PCDH15: variants seen among roughly 807,000 people sequenced by gnomAD.
The protein encoded by PCDH15 is protocadherin-15.
Under a neutral mutation model 178.5 loss-of-function variants are expected in PCDH15, and 129 were observed. That is an observed-to-expected ratio of 0.72 (90% CI 0.63 to 0.84). PCDH15 has a LOEUF of 0.84. Among genes scored for constraint, PCDH15 ranks in the 40% least tolerant of loss-of-function variants. The probability of loss-of-function intolerance (pLI) is 0.00; values close to 1 mark genes in which losing one functional copy is unlikely to be tolerated. For missense variants in PCDH15, 2,230 were observed against 2,099.9 expected (o/e 1.06, Z -1.21); for synonymous variants, 800 against 732.0 (o/e 1.09, Z -1.50).
chr10:55,444,232 A>G (rs1476831408), intron 2 of PCDH15, among the ~76,000 whole-genome samples: 2 of 151,752 alleles, frequency 1.3e-5, no homozygotes, highest in Non-Finnish European at 1.5e-5. Context: ...GTGTATACCT[A>G]TGTAACAAAC....
chr10:55,406,967 C>T (rs1838211343), intron 2 of PCDH15, among the ~76,000 whole-genome samples: 1 of 152,086 alleles, frequency 6.6e-6, no homozygotes, highest in Non-Finnish European at 1.5e-5. Flanking sequence ...GATAGTGATA[C>T]ACGATGCCAA....
At chr10:53,882,771 T>A (rs2133360879) in intron 26 of PCDH15, among the ~76,000 whole-genome samples, 1 of 152,352 alleles carries the variant, frequency 6.6e-6, no homozygotes, top group Admixed American at 6.5e-5. Context: ...TTTTTCCCTC[T>A]GTTTTTCTTT....
chr10:53,946,709 A>T (rs2086605281), intron 23 of PCDH15, among the ~76,000 whole-genome samples: 1 of 152,254 alleles, frequency 6.6e-6, no homozygotes, highest in Non-Finnish European at 1.5e-5. Flanking sequence ...CGAAAAAGTT[A>T]ACTGCTTTGG....
intron 2 of PCDH15, among the ~76,000 whole-genome samples, chr10:55,014,766 T>C (rs10825430): frequency 0.061 from 9,279 of 152,270 alleles, 390 homozygotes; most frequent in African/African-American, 0.11. Flanking sequence ...TACTTTACTA[T>C]ATTTAATAAC....
chr10:55,368,239 C>A (rs1378105735), intron 2 of PCDH15, among the ~76,000 whole-genome samples: 1 of 151,972 alleles, frequency 6.6e-6, no homozygotes, highest in Non-Finnish European at 1.5e-5. Flanking sequence ...TGGCAAGGAA[C>A]CAATTTTCAG....
At chr10:54,549,577 C>T (rs914325135) in intron 2 of PCDH15, among the ~76,000 whole-genome samples, 10 of 151,452 alleles carry the variant, frequency 6.6e-5, no homozygotes, top group African/African-American at 1.9e-4. Flanking sequence ...AGTATATGGC[C>T]CATTTTTAAA....
At chr10:54,536,180 A>G (rs1050712779) in intron 2 of PCDH15, among the ~76,000 whole-genome samples, 1 of 152,210 alleles carries the variant, frequency 6.6e-6, no homozygotes, top group Non-Finnish European at 1.5e-5. Context: ...AGTCACATTT[A>G]ACACCTTGCT....
At chr10:54,357,361 C>T (rs1945189276) in intron 5 of PCDH15, among the ~76,000 whole-genome samples, 1 of 152,168 alleles carries the variant, frequency 6.6e-6, no homozygotes, top group Non-Finnish European at 1.5e-5. Context: ...CATTCTTATA[C>T]ACCAATAACA....
chr10:54,825,142 C>T (rs202084228), intron 3 of PCDH15, among the ~76,000 whole-genome samples: 25,639 of 151,118 alleles, frequency 0.17, 2,587 homozygotes, highest in Non-Finnish European at 0.24. Context: ...TTTGTCCTTG[C>T]GATAGTTTGC....
intron 2 of PCDH15, among the ~76,000 whole-genome samples, chr10:55,476,924 T>A (rs1211919663): frequency 6.6e-6 from 1 of 151,924 alleles, no homozygotes; most frequent in Non-Finnish European, 1.5e-5. Flanking sequence ...AAGAAAAAAA[T>A]CCAGTTTTAT....
chr10:55,343,811 G>T (rs558460189), intron 2 of PCDH15, among the ~76,000 whole-genome samples: 3 of 152,000 alleles, frequency 2.0e-5, no homozygotes, highest in Non-Finnish European at 4.4e-5. Context: ...CACATATTAC[G>T]TGCCAGGCAT....
At chr10:54,663,253 G>C (rs547318529) in intron 2 of PCDH15, among the ~76,000 whole-genome samples, 1 of 151,684 alleles carries the variant, frequency 6.6e-6, no homozygotes, top group African/African-American at 2.4e-5. Flanking sequence ...CTTTGCTGCC[G>C]TTAAGAGCAA....
At chr10:55,291,261 C>T (rs182848978) in intron 1 of PCDH15, among the ~76,000 whole-genome samples, 21 of 152,254 alleles carry the variant, frequency 1.4e-4, no homozygotes, top group African/African-American at 5.1e-4. Flanking sequence ...CAAGACAACA[C>T]ATACTTAAAA....
intron 10 of PCDH15, among the ~76,000 whole-genome samples, chr10:54,200,191 A>G (rs1816398478): frequency 6.6e-6 from 1 of 151,646 alleles, no homozygotes; most frequent in African/African-American, 2.4e-5. Context: ...CAAATTATTT[A>G]TCATTTAAAT....
chr10:54,823,309 G>C (rs377742934), intron 3 of PCDH15, among the ~76,000 whole-genome samples: 16 of 152,162 alleles, frequency 1.1e-4, no homozygotes, highest in East Asian at 9.7e-4. Context: ...CTGCATGGCA[G>C]TAAACTGCTC....
At chr10:53,960,392 A>G (rs953519773) in intron 22 of PCDH15, among the ~76,000 whole-genome samples, 16 of 152,196 alleles carry the variant, frequency 1.1e-4, no homozygotes, top group Non-Finnish European at 2.1e-4. Flanking sequence ...TCTTTGGTAT[A>G]CTATCTCTTA....
chr10:55,519,111 A>C (rs913608419), intron 2 of PCDH15, among the ~76,000 whole-genome samples: 17 of 150,798 alleles, frequency 1.1e-4, no homozygotes, highest in South Asian at 6.3e-4. Flanking sequence ...AAAAAAAAAA[A>C]AAAAAACAAA....
At position 55,326,284 on chromosome 10, in the gene PCDH15, A is replaced by G. The variant is rs185924353; in HGVS notation, c.-155-159633T>C. Reference sequence around the variant, plus strand: ...TTCTGTCAAAAAGACACAGGCACACATATGTTCACTGCAGCCTTATTTACA... The same window carrying G: ...TTCTGTCAAAAAGACACAGGCACACGTATGTTCACTGCAGCCTTATTTACA... On this transcript the variant is annotated intron_variant, in intron 2 of 5. Transcript: ENST00000613346. 8.2e-4 allele frequency among the ~76,000 whole-genome samples: 125 copies of G among 152,282 alleles called. 1 individual carries two copies. The highest frequency in any genetic ancestry group is 1.5e-3 in the Non-Finnish European group (100 of 68,008).
At chr10:55,462,416 C>T (rs1839698957) in intron 2 of PCDH15, among the ~76,000 whole-genome samples, 1 of 152,036 alleles carries the variant, frequency 6.6e-6, no homozygotes, top group African/African-American at 2.4e-5. Flanking sequence ...TAGAAAGTAA[C>T]AACTTAAAGA....
Sources: gnomAD v4.1 joint callset for allele counts (sites outside exome capture counted in the v4.1 genomes callset) on GRCh38, gnomAD v4.1.1 for gene constraint, MANE v1.5 for transcripts, NCBI Gene and HGNC (gene_info 2026-07-23, HGNC 2026-07-21) for gene names.